Variants in ZRANB3 observed in about 807,000 individuals in gnomAD.
ZRANB3 encodes the protein DNA annealing helicase and endonuclease ZRANB3.
ZRANB3 carries 125 observed loss-of-function variants against 133.8 expected under a neutral mutation model. That is an observed-to-expected ratio of 0.93 (90% confidence interval 0.81 to 1.08). The LOEUF is 1.08. ZRANB3 is among the 50% of genes least tolerant of loss of function. The pLI is 0.00. For synonymous variants in ZRANB3, 387 were observed against 432.7 expected, an observed-to-expected ratio of 0.89 and a Z score of 1.31; for missense variants, 1,229 against 1,275.5, an observed-to-expected ratio of 0.96 and a Z score of 0.56.
Position 135,381,712 on chromosome 2 carries a change from G to A in ZRANB3, c.180+9090C>T, listed in dbSNP as rs190276240. Among the ~76,000 whole-genome samples, 19 of 152,268 alleles carry A rather than the reference G, an allele frequency of 1.2e-4. No homozygotes were observed. The East Asian group carries it at 2.1e-3, about 17-fold the overall frequency. On this transcript the variant is annotated intron_variant, in intron 3 of 20. Coordinates refer to ENST00000264159, the MANE Select transcript of ZRANB3 (RefSeq NM_032143.4). Reference sequence around the variant, plus strand: ...CAATATCCACTGTTCTGCAGACTCCGCTGGTGATACCCAGGAAACCAGTCT... The same window carrying A: ...CAATATCCACTGTTCTGCAGACTCCACTGGTGATACCCAGGAAACCAGTCT...
chr2:135,341,558 C>T (rs112388025), intron 6 of ZRANB3, among the ~76,000 whole-genome samples: 2,212 of 149,896 alleles, frequency 0.015, 279 homozygotes, highest in African/African-American at 0.053. Context: ...AGGGTAACAG[C>T]GATGTTCAGG....
At chr2:135,450,449 AG>A in intron 2 of ZRANB3, among the ~76,000 whole-genome samples, 1 of 152,266 alleles carries the variant, frequency 6.6e-6, no homozygotes. Context: ...ACTGAGGCTC[AG>A]AGAGGTTAAG....
chr2:135,506,843 C>T (rs1433597300), intron 1 of ZRANB3, among the ~76,000 whole-genome samples: 1 of 152,162 alleles, frequency 6.6e-6, no homozygotes, highest in Non-Finnish European at 1.5e-5. Flanking sequence ...GGCCACTCAA[C>T]AAAGCCTCCA....
intron 8 of ZRANB3, among the ~76,000 whole-genome samples, chr2:135,286,469 G>C (rs748816805): frequency 2.0e-5 from 3 of 152,068 alleles, no homozygotes; most frequent in Non-Finnish European, 4.4e-5. Context: ...GTAGTGACGG[G>C]GTTTCACCAT....
intron 20 of ZRANB3, 69 bp from the exon 21 acceptor site, chr2:135,200,509 CT>C: frequency 7.7e-7 from 1 of 1,302,300 alleles, no homozygotes; most frequent in Non-Finnish European, 1.1e-6. Flanking sequence ...CTCAAAAACT[CT>C]TTATATTGTT....
rs113458153 is a variant in ZRANB3, at chr2:135,279,722, C to T, written c.967-3967G>A. 3.0e-3 allele frequency among the ~76,000 whole-genome samples: 451 copies of T among 152,290 alleles called. 2 individuals are homozygous for T. The highest frequency in any genetic ancestry group is 0.01 in the African/African-American group (420 of 41,560). ...GATGCCAATGCCAAAGTTCAAGCCCCCCTTTTCCCACTCCTTTCCACTAGT... is the reference window on the plus strand; with the variant it reads ...GATGCCAATGCCAAAGTTCAAGCCCTCCTTTTCCCACTCCTTTCCACTAGT... On this transcript the variant is annotated intron_variant, in intron 8 of 20. Transcript: ENST00000264159.
At chr2:135,414,502 A>T (rs1207355030) in intron 2 of ZRANB3, among the ~76,000 whole-genome samples, 1 of 152,124 alleles carries the variant, frequency 6.6e-6, no homozygotes. Context: ...CATAATAATA[A>T]TGGGAGACTT....
chr2:135,315,800 G>A (rs1219305067), intron 6 of ZRANB3, among the ~76,000 whole-genome samples: 6 of 152,202 alleles, frequency 3.9e-5, no homozygotes, highest in African/African-American at 1.4e-4. Context: ...ACTGTGAATT[G>A]CACTAGGTCA....
At chr2:135,246,039 C>CT (rs569950745) in intron 12 of ZRANB3, among the ~76,000 whole-genome samples, 2,143 of 100,400 alleles carry the variant, frequency 0.021, 63 homozygotes, top group African/African-American at 0.051. Context: ...TTCTTTCTTT[C>CT]TTTTTTTTTT....
At chr2:135,228,771 A>T (rs1345146248) in intron 13 of ZRANB3, among the ~76,000 whole-genome samples, 1 of 152,150 alleles carries the variant, frequency 6.6e-6, no homozygotes, top group African/African-American at 2.4e-5. Context: ...TGGTAGAAAT[A>T]TAAATCTAAT....
chr2:135,375,149 A>C (rs1364822184), intron 3 of ZRANB3, among the ~76,000 whole-genome samples: 1 of 152,198 alleles, frequency 6.6e-6, no homozygotes, highest in African/African-American at 2.4e-5. Flanking sequence ...GTTTCTGTTA[A>C]AAAAATATGG....
chr2:135,528,770 A>T (rs976957121), intron 1 of ZRANB3, among the ~76,000 whole-genome samples: 8 of 152,244 alleles, frequency 5.3e-5, no homozygotes, highest in Admixed American at 5.2e-4. Flanking sequence ...GTCTTGCTGC[A>T]AGGTATGGTT....
At chr2:135,444,205 C>T (rs904719102) in intron 2 of ZRANB3, among the ~76,000 whole-genome samples, 9 of 152,012 alleles carry the variant, frequency 5.9e-5, no homozygotes, top group African/African-American at 1.9e-4. Flanking sequence ...TAGAAAACTA[C>T]TTGGCATTGT....
intron 2 of ZRANB3, among the ~76,000 whole-genome samples, chr2:135,451,048 T>G (rs1690245751): frequency 6.6e-6 from 1 of 152,212 alleles, no homozygotes; most frequent in Admixed American, 6.5e-5. Flanking sequence ...CAGAATATTG[T>G]GTACTCAGAA....
intron 8 of ZRANB3, among the ~76,000 whole-genome samples, chr2:135,301,392 G>A (rs919878814): frequency 2.6e-5 from 4 of 151,944 alleles, no homozygotes; most frequent in African/African-American, 9.7e-5. Flanking sequence ...CACCATGTTG[G>A]CCAGGTTCAT....
chr2:135,251,010 G>A (rs1024600167), intron 12 of ZRANB3, among the ~76,000 whole-genome samples: 2 of 152,190 alleles, frequency 1.3e-5, no homozygotes, highest in African/African-American at 2.4e-5. Flanking sequence ...ATGCCAGCCT[G>A]TGAAAGCAGC....
intron 6 of ZRANB3, among the ~76,000 whole-genome samples, chr2:135,323,845 G>A (rs960020463): frequency 3.3e-5 from 5 of 151,810 alleles, no homozygotes; most frequent in African/African-American, 1.2e-4. Flanking sequence ...TCGGCTCACT[G>A]CAACCTCTGC....
At chr2:135,515,146 C>A (rs1236966169) in intron 1 of ZRANB3, among the ~76,000 whole-genome samples, 1 of 152,056 alleles carries the variant, frequency 6.6e-6, no homozygotes. Flanking sequence ...TGATGCTAGC[C>A]TCATAAAATG....
intron 6 of ZRANB3, among the ~76,000 whole-genome samples, chr2:135,322,676 C>T (rs1003002784): frequency 6.6e-6 from 1 of 152,138 alleles, no homozygotes; most frequent in Middle Eastern, 3.4e-3. Context: ...TATGATTGTG[C>T]TACTGCACTT....
Sources: allele counts gnomAD v4.1 joint callset (sites outside exome capture counted in the v4.1 genomes callset), GRCh38; gene constraint gnomAD v4.1.1; transcripts MANE v1.5; gene names NCBI Gene and HGNC (gene_info 2026-07-23, HGNC 2026-07-21).